Variants in SP4 observed in about 807,000 individuals in gnomAD.
SP4 encodes Sp4 transcription factor, also known as transcription factor Sp4.
Under a neutral mutation model 72.8 loss-of-function variants are expected in SP4, and 19 were observed. The observed-to-expected ratio is 0.26, with a 90% CI of 0.18 to 0.38. The LOEUF is 0.38. Among genes scored for constraint, SP4 ranks in the 10% least tolerant of loss-of-function variants. The pLI is 1.00. For synonymous variants in SP4, 395 were observed against 333.1 expected, an observed-to-expected ratio of 1.19 and a Z score of -2.02; for missense variants, 1,008 against 926.3, an observed-to-expected ratio of 1.09 and a Z score of -1.14.
At position 21,511,383 on chromosome 7, in the gene SP4, G is replaced by T; in HGVS notation, c.*114G>T. On this transcript the variant is annotated 3_prime_UTR_variant, in exon 6 of 6. Transcript: ENST00000222584. The stretch of plus-strand genomic sequence containing the variant: ...GTAGGAAATTATGTTTTCATTCTTG[G>T]CTTCTTTAAGTATTCCAGGGTTTGG... 1 of 1,118,124 alleles carries T rather than the reference G, an allele frequency of 8.9e-7. No individual in the cohort carries two copies. The highest frequency in any genetic ancestry group is 1.3e-6 in the Non-Finnish European group (1 of 791,740). 69.3% of individuals were successfully genotyped at this position (1,118,124 alleles called of 1,614,324 possible).
chr7:21,428,206 C>G lies in SP4; in HGVS notation c.-46C>G. Reference sequence around the variant, plus strand: ...CCGCCTCGCCCCCACCCCCACCCACCTCTATCCCAGTGTCTCCGTCTGAGG... The same window carrying G: ...CCGCCTCGCCCCCACCCCCACCCACGTCTATCCCAGTGTCTCCGTCTGAGG... On this transcript the variant is annotated 5_prime_UTR_variant, in exon 1 of 6. Coordinates refer to ENST00000222584, the MANE Select transcript of SP4 (RefSeq NM_003112.5). The G allele has an allele frequency of 7.7e-7, 1 of 1,295,402 alleles. No individual in the cohort carries two copies. Among genetic ancestry groups the G allele is most frequent in the South Asian group, 1.3e-5 (1 of 79,304 alleles). The allele number at this position is 1,295,402 out of a possible 1,614,324, so 80.2% of individuals were successfully genotyped here.
At chr7:21,455,123 G>A (rs1356710238) in intron 3 of SP4, among the ~76,000 whole-genome samples, 2 of 152,134 alleles carry the variant, frequency 1.3e-5, no homozygotes, top group Non-Finnish European at 2.9e-5. Context: ...ATTTTGTCTT[G>A]GGGGTGGGGG....
At chr7:21,442,027 TGTGTGTGTGTA>T (rs763451406) in intron 3 of SP4, among the ~76,000 whole-genome samples, 2 of 72,280 alleles carry the variant, frequency 2.8e-5, no homozygotes, top group East Asian at 2.5e-4. Context: ...TGTGTGTGTG[TGTGTGTGTGTA>T]TTTTTTTTTT....
chr7:21,477,119 T>C lies in SP4; in HGVS notation c.1719T>C (p.Ala573=). ...AAGATGGAGTAAAAGTCCAGCAAGC[T>C]ACTATAGCTCCTGTAACTGTAGCAG... The part of the protein sequence containing the change: ...QGQDGVKVQQ[A]TIAPVTVAVG... The change falls in exon 4 of 6, where the codon GCT becomes GCC. Residue 573 remains alanine, a synonymous_variant. Coordinates refer to ENST00000222584, the MANE Select transcript of SP4 (RefSeq NM_003112.5). 6.2e-7 allele frequency: 1 copy of C among 1,614,176 alleles called. No homozygotes were observed. Among genetic ancestry groups the C allele is most frequent in the Middle Eastern group, 1.6e-4 (1 of 6,062 alleles).
chr7:21,507,575 T>A (rs1782030960), intron 5 of SP4, among the ~76,000 whole-genome samples: 1 of 152,186 alleles, frequency 6.6e-6, no homozygotes. Context: ...AATTCCTTGA[T>A]CCAGCAGAGA....
chr7:21,500,239 GA>G (rs1415094984), intron 5 of SP4, among the ~76,000 whole-genome samples: 3 of 151,992 alleles, frequency 2.0e-5, no homozygotes, highest in Non-Finnish European at 2.9e-5. Flanking sequence ...ACGTACTTTG[GA>G]TATTTGTAAT....
intron 3 of SP4, among the ~76,000 whole-genome samples, chr7:21,444,068 C>G (rs1379362670): frequency 1.3e-5 from 2 of 152,126 alleles, no homozygotes; most frequent in South Asian, 2.1e-4. Context: ...AATTATAGGG[C>G]AAGTAAATGG....
chr7:21,429,529 T>C lies in SP4; in HGVS notation c.364T>C (p.Ser122Pro). The C allele has an allele frequency of 6.2e-7, 1 of 1,614,094 alleles. No homozygotes were observed. The change falls in exon 3 of 6, where the codon TCT becomes CCT. Residue 122 changes from serine (S) to proline (P), a missense_variant. By Grantham distance (74) the Ser-to-Pro change is moderately conservative. Around this residue, in one of 3 missense-constraint regions of SP4, gnomAD observed 893 missense variants for 743.3 expected, o/e 1.20. Coordinates refer to ENST00000222584, the MANE Select transcript of SP4 (RefSeq NM_003112.5). ...AGAGAATAACGTTTCTCAACCAGCC[T>C]CTAGTTCGTCTAGTTCTTCCAGCAG... ...SKENNVSQPA[S>P]SSSSSSSSNN... is the part of the protein sequence containing the mutation.
chr7:21,511,396 T>C lies in SP4; in HGVS notation c.*127T>C. 9.9e-7 allele frequency: 1 copy of C among 1,008,724 alleles called. No homozygotes were observed. Among genetic ancestry groups the C allele is most frequent in the South Asian group, 1.7e-5 (1 of 60,224 alleles). The allele number at this position is 1,008,724 out of a possible 1,614,324, so 62.5% of individuals were successfully genotyped here. Reference sequence around the variant, plus strand: ...TTTTCATTCTTGGCTTCTTTAAGTATTCCAGGGTTTGGGGTCAACACGTGA... The same window carrying C: ...TTTTCATTCTTGGCTTCTTTAAGTACTCCAGGGTTTGGGGTCAACACGTGA... On this transcript the variant is annotated 3_prime_UTR_variant, in exon 6 of 6. Coordinates refer to ENST00000222584, the MANE Select transcript of SP4 (RefSeq NM_003112.5).
At chr7:21,428,950 A>G in intron 2 of SP4, 158 bp downstream of exon 2, 4 of 667,244 alleles carry the variant, frequency 6.0e-6, no homozygotes, top group Non-Finnish European at 1.0e-5. Flanking sequence ...TCAAGTTTTC[A>G]CCTCTTTGAG....
At chr7:21,480,622 G>A (rs968421853) in intron 4 of SP4, among the ~76,000 whole-genome samples, 2 of 151,972 alleles carry the variant, frequency 1.3e-5, no homozygotes, top group Non-Finnish European at 2.9e-5. Context: ...TACTTTCTTG[G>A]TCAGTCTAGC....
intron 3 of SP4, among the ~76,000 whole-genome samples, chr7:21,454,513 T>C (rs955235078): frequency 6.6e-6 from 1 of 152,198 alleles, no homozygotes; most frequent in Non-Finnish European, 1.5e-5. Flanking sequence ...TTTTTAACCT[T>C]CCTTACCAAA....
chr7:21,454,936 TC>T (rs1272760785), intron 3 of SP4, among the ~76,000 whole-genome samples: 2 of 152,180 alleles, frequency 1.3e-5, no homozygotes, highest in African/African-American at 4.8e-5. Context: ...GGAGAGTTGA[TC>T]AGAGCAGGAC....
At chr7:21,465,191 A>G (rs1003341956) in intron 3 of SP4, among the ~76,000 whole-genome samples, 5 of 152,290 alleles carry the variant, frequency 3.3e-5, no homozygotes, top group African/African-American at 9.6e-5. Flanking sequence ...TGTTTTCCTA[A>G]GCTTTTCTCT....
At chr7:21,473,200 A>C (rs566084199) in intron 3 of SP4, among the ~76,000 whole-genome samples, 30 of 152,294 alleles carry the variant, frequency 2.0e-4, no homozygotes, top group Middle Eastern at 3.4e-3. Context: ...TCTTGCTTGG[A>C]AACAGGTTAG....
intron 3 of SP4, among the ~76,000 whole-genome samples, chr7:21,455,743 C>G (rs1783743707): frequency 6.6e-6 from 1 of 152,168 alleles, no homozygotes; most frequent in African/African-American, 2.4e-5. Flanking sequence ...TGGAACCAAC[C>G]TTCATCTCTG....
chr7:21,456,677 G>T (rs1783773603), intron 3 of SP4, among the ~76,000 whole-genome samples: 1 of 152,198 alleles, frequency 6.6e-6, no homozygotes, highest in African/African-American at 2.4e-5. Flanking sequence ...AGGAGAAAAG[G>T]TGGTGTGAGT....
intron 3 of SP4, chr7:21,470,943 A>G (rs891767479): frequency 2.3e-6 from 1 of 427,674 alleles, no homozygotes; most frequent in South Asian, 1.9e-5. Context: ...TTATTTTACA[A>G]AGCAGTTTCA....
At chr7:21,431,810 T>G (rs935828468) in intron 3 of SP4, among the ~76,000 whole-genome samples, 2 of 152,244 alleles carry the variant, frequency 1.3e-5, no homozygotes, top group African/African-American at 4.8e-5. Context: ...ACCTTGTTAG[T>G]TAAATATTTC....
Sources: allele counts gnomAD v4.1 joint callset (sites outside exome capture counted in the v4.1 genomes callset), GRCh38; gene constraint gnomAD v4.1.1; regional missense constraint gnomAD v4.1.1; transcripts MANE v1.5; gene names NCBI Gene and HGNC (gene_info 2026-07-23, HGNC 2026-07-21).